The following RNF152 variants were observed in gnomAD, a reference collection of about 807,000 sequenced individuals.
RNF152 encodes the protein ring finger protein 152.
A neutral mutation model predicts 12.7 loss-of-function variants in RNF152; 11 were observed. That is an observed-to-expected ratio of 0.86 (90% CI 0.54 to 1.43). The LOEUF (loss-of-function observed/expected upper bound fraction) is 1.43, where lower values mean the gene tolerates loss of function less well. Ranked by LOEUF, RNF152 falls within the 40% of genes most tolerant of loss-of-function variation. The pLI is 0.00. For synonymous variants in RNF152, 113 were observed against 120.3 expected, an observed-to-expected ratio of 0.94 and a Z score of 0.40; for missense variants, 255 against 274.8, an observed-to-expected ratio of 0.93 and a Z score of 0.51.
intron 1 of RNF152, among the ~76,000 whole-genome samples, chr18:61,890,048 C>G (rs8085180): frequency 5.0e-4 from 76 of 152,124 alleles, no homozygotes; most frequent in African/African-American, 1.8e-3. Flanking sequence ...TTAGTAAATA[C>G]CATATCAACA....
At chr18:61,876,473 A>T (rs979432466) in intron 1 of RNF152, among the ~76,000 whole-genome samples, 1 of 152,252 alleles carries the variant, frequency 6.6e-6, no homozygotes. Flanking sequence ...AATAAGCAAT[A>T]ATATCAACAA....
At chr18:61,844,136 A>AAGAAAG (rs1555702407) in intron 1 of RNF152, among the ~76,000 whole-genome samples, 10 of 142,058 alleles carry the variant, frequency 7.0e-5, no homozygotes, top group African/African-American at 2.1e-4. Context: ...GAAAGAAAGA[A>AAGAAAG]AGAAATTAAG....
At chr18:61,842,728 A>G (rs2144674457) in intron 1 of RNF152, among the ~76,000 whole-genome samples, 1 of 152,354 alleles carries the variant, frequency 6.6e-6, no homozygotes, top group Admixed American at 6.5e-5. Context: ...CCTCACAATC[A>G]TGGTGGAAGG....
In RNF152 at chr18:61,813,331, C is replaced by T. The variant is rs1406730655; in HGVS notation, c.*2521G>A. ...ACACACACACATACACAAGAATGCA[C>T]ACCCCAACAAACAGGTACACAAATA... On this transcript the variant is annotated 3_prime_UTR_variant, in exon 2 of 2. Transcript: ENST00000312828. 2.0e-5 allele frequency: 3 copies of T among 151,668 alleles called. No individual in the cohort carries two copies. Among genetic ancestry groups the T allele is most frequent in the Non-Finnish European group, 4.4e-5 (3 of 67,986 alleles). The allele number at this position is 151,668 out of a possible 1,614,324, so 9.4% of individuals were successfully genotyped here.
chr18:61,891,966 G>T (rs1912979448), intron 1 of RNF152, among the ~76,000 whole-genome samples: 1 of 152,206 alleles, frequency 6.6e-6, no homozygotes, highest in Non-Finnish European at 1.5e-5. Flanking sequence ...AGGATGCGCA[G>T]GACTCTGCCC....
chr18:61,865,383 T>C (rs768218436), intron 1 of RNF152, among the ~76,000 whole-genome samples: 1 of 152,210 alleles, frequency 6.6e-6, no homozygotes, highest in Non-Finnish European at 1.5e-5. Flanking sequence ...AATGTTTAAT[T>C]CATTAATAAC....
chr18:61,815,027 T>C lies in RNF152; in HGVS notation c.*825A>G, dbSNP rs1483430999. 6.6e-6 allele frequency: 1 copy of C among 152,552 alleles called. No homozygotes were observed. Among genetic ancestry groups the C allele is most frequent in the Non-Finnish European group, 1.5e-5 (1 of 68,020 alleles). 9.4% of individuals were successfully genotyped at this position (152,552 alleles called of 1,614,324 possible). A position where few individuals can be genotyped will look rare whatever the true frequency, so the allele number is the denominator to read the frequency against. On this transcript the variant is annotated 3_prime_UTR_variant, in exon 2 of 2. Transcript: ENST00000312828. ...CAAAGACTCAAACACCTGAGGTAAA[T>C]CAAATTAGACACACACACATACACA...
In RNF152 at chr18:61,840,484, T is replaced by C. The variant is rs986027443; in HGVS notation, c.-135-23886A>G. ...GTATTCTGTCTCTAAGTGGTCCTTCTTCTCTTCACATTTTAGTCTGGAAAC... is the reference window on the plus strand; with the variant it reads ...GTATTCTGTCTCTAAGTGGTCCTTCCTCTCTTCACATTTTAGTCTGGAAAC... On this transcript the variant is annotated intron_variant, in intron 1 of 1. Transcript: ENST00000312828. Among the ~76,000 whole-genome samples, 36 of 152,178 alleles carry C rather than the reference T, an allele frequency of 2.4e-4. 1 individual carries two copies. Among genetic ancestry groups the C allele is most frequent in the Non-Finnish European group, 2.9e-5 (2 of 68,026 alleles).
intron 1 of RNF152, among the ~76,000 whole-genome samples, chr18:61,835,372 C>T (rs1251245176): frequency 6.6e-6 from 1 of 152,118 alleles, no homozygotes; most frequent in East Asian, 1.9e-4. Flanking sequence ...GGAATAGGAG[C>T]CAGGTTATAT....
chr18:61,829,119 A>C (rs1909811623), intron 1 of RNF152, among the ~76,000 whole-genome samples: 1 of 152,136 alleles, frequency 6.6e-6, no homozygotes, highest in East Asian at 1.9e-4. Context: ...ATACCCCTGC[A>C]ATAGAGTTGT....
chr18:61,854,465 C>T (rs2144701193), intron 1 of RNF152, among the ~76,000 whole-genome samples: 1 of 152,318 alleles, frequency 6.6e-6, no homozygotes, highest in African/African-American at 2.4e-5. Context: ...CTTCCATGTT[C>T]AACACAATCT....
At chr18:61,874,627 T>G (rs1912135152) in intron 1 of RNF152, among the ~76,000 whole-genome samples, 1 of 152,188 alleles carries the variant, frequency 6.6e-6, no homozygotes, top group South Asian at 2.1e-4. Context: ...GTGAGGTATA[T>G]CGGAGTTTAT....
At chr18:61,847,650 A>G (rs540258297) in intron 1 of RNF152, among the ~76,000 whole-genome samples, 5 of 152,336 alleles carry the variant, frequency 3.3e-5, no homozygotes, top group African/African-American at 9.6e-5. Context: ...GAAAACTACT[A>G]AACACTGACA....
chr18:61,844,114 G>GAA (rs771229653), intron 1 of RNF152, among the ~76,000 whole-genome samples: 70 of 125,254 alleles, frequency 5.6e-4, no homozygotes, highest in Non-Finnish European at 8.7e-4. Flanking sequence ...AAGAAAGAAA[G>GAA]AAAGAAAGAA....
intron 1 of RNF152, among the ~76,000 whole-genome samples, chr18:61,824,207 G>A (rs994316052): frequency 1.4e-4 from 21 of 152,188 alleles, no homozygotes; most frequent in African/African-American, 4.8e-4. Context: ...CAGGAGATAA[G>A]GATTCTAGCT....
intron 1 of RNF152, among the ~76,000 whole-genome samples, chr18:61,839,819 C>T (rs547469843): frequency 2.6e-5 from 4 of 152,232 alleles, no homozygotes; most frequent in South Asian, 2.1e-4. Context: ...GGCATGAACC[C>T]GGGAGGCAGA....
chr18:61,841,372 C>G (rs1179613649), intron 1 of RNF152, among the ~76,000 whole-genome samples: 1 of 152,208 alleles, frequency 6.6e-6, no homozygotes, highest in African/African-American at 2.4e-5. Context: ...ATGAAATAGT[C>G]CCTTCTCCAT....
Position 61,815,939 on chromosome 18 carries a change from C to T in RNF152, c.525G>A (p.Val175=). Residue 175 remains valine, a synonymous_variant, in exon 2 of 2, where the codon GTG becomes GTA. Transcript: ENST00000312828. ...TWSGVCTVIL[V]ACVLVFLLGI... The stretch of plus-strand genomic sequence containing the variant: ...CGAGGAGGAAGACCAAGACGCAAGC[C>T]ACCAAGATGACAGTGCACACCCCCG... The T allele has an allele frequency of 4.3e-6, 7 of 1,614,222 alleles. No homozygotes were observed. The highest frequency in any genetic ancestry group is 1.3e-5 in the African/African-American group (1 of 75,062).
At chr18:61,841,484 T>G (rs1910451288) in intron 1 of RNF152, among the ~76,000 whole-genome samples, 1 of 152,220 alleles carries the variant, frequency 6.6e-6, no homozygotes, top group African/African-American at 2.4e-5. Flanking sequence ...CTGGATCTAT[T>G]TTTGGTGTAG....
Sources: gnomAD v4.1 joint callset for allele counts (sites outside exome capture counted in the v4.1 genomes callset) on GRCh38, gnomAD v4.1.1 for gene constraint, MANE v1.5 for transcripts, NCBI Gene and HGNC (gene_info 2026-07-23, HGNC 2026-07-21) for gene names.